TCF4: variants seen among roughly 807,000 people sequenced by gnomAD.
TCF4 encodes SL3-3 enhancer factor 2.
In TCF4, 3 loss-of-function variants were observed where a neutral mutation model predicts 82.1. The ratio of observed to expected loss-of-function variants is 0.04; its 90% CI spans 0.02 to 0.09. The LOEUF (loss-of-function observed/expected upper bound fraction) is 0.09. Ranked by LOEUF, TCF4 falls within the 10% of genes least tolerant of loss-of-function variation. The pLI is 1.00. For synonymous variants in TCF4, 276 were observed against 309.6 expected (o/e 0.89, Z 1.14); for missense variants, 518 against 852.7 (o/e 0.61, Z 4.89).
At chr18:55,361,175 G>C (rs925522088) in intron 6 of TCF4, among the ~76,000 whole-genome samples, 11 of 152,076 alleles carry the variant, frequency 7.2e-5, no homozygotes, top group African/African-American at 2.4e-4. Flanking sequence ...GGTGCACTGT[G>C]GACAGAATTG....
At chr18:55,571,749 T>TTG (rs1555772984) in intron 3 of TCF4, among the ~76,000 whole-genome samples, 1 of 151,298 alleles carries the variant, frequency 6.6e-6, no homozygotes, top group Non-Finnish European at 1.5e-5. Context: ...TGTTTTTTTT[T>TTG]TTGTTATTAT....
chr18:55,298,267 T>C (rs1167412579), intron 8 of TCF4, among the ~76,000 whole-genome samples: 2 of 152,250 alleles, frequency 1.3e-5, no homozygotes, highest in Non-Finnish European at 2.9e-5. Flanking sequence ...GAAAGATTTC[T>C]ACCTATGCTT....
intron 6 of TCF4, among the ~76,000 whole-genome samples, chr18:55,371,463 TAAAG>T (rs778860017): frequency 6.6e-6 from 1 of 152,106 alleles, no homozygotes; most frequent in Non-Finnish European, 1.5e-5. Flanking sequence ...CTTGGAGAAA[TAAAG>T]AAATCATGCC....
chr18:55,359,471 C>T (rs2084504593), intron 6 of TCF4, among the ~76,000 whole-genome samples: 1 of 152,182 alleles, frequency 6.6e-6, no homozygotes, highest in Non-Finnish European at 1.5e-5. Context: ...GAACTCTGAT[C>T]ATCTTTGTAT....
In TCF4 at chr18:55,222,642, T is replaced by G. The variant is rs2046018664; in HGVS notation, c.*5393A>C. ...AATACCACGTACTTGATTAGAACAT[T>G]CTGTTATGAAGCGCTCAGCTACCGC... On this transcript the variant is annotated 3_prime_UTR_variant, in exon 20 of 20. Coordinates refer to ENST00000354452, the MANE Select transcript of TCF4 (RefSeq NM_001083962.2). The G allele has an allele frequency of 6.6e-6, 1 of 152,642 alleles. No homozygotes were observed. The highest frequency in any genetic ancestry group is 6.5e-5 in the Admixed American group (1 of 15,276). 9.5% of individuals were successfully genotyped at this position (152,642 alleles called of 1,614,324 possible). A position where few individuals can be genotyped will look rare whatever the true frequency, so the allele number is the denominator to read the frequency against.
chr18:55,510,843 G>A (rs1304180913), intron 3 of TCF4: 2 of 998,786 alleles, frequency 2.0e-6, no homozygotes, highest in South Asian at 8.7e-5. Flanking sequence ...GTGTGTTTAT[G>A]AGCTACATTA....
chr18:55,544,164 T>C (rs1423282880), intron 3 of TCF4, among the ~76,000 whole-genome samples: 1 of 152,250 alleles, frequency 6.6e-6, no homozygotes, highest in Admixed American at 6.5e-5. Context: ...ATTCCAGCCC[T>C]GGCTCAGTCA....
At chr18:55,294,289 A>T (rs569362204) in intron 8 of TCF4, among the ~76,000 whole-genome samples, 31 of 152,120 alleles carry the variant, frequency 2.0e-4, no homozygotes, top group African/African-American at 6.0e-4. Flanking sequence ...AAAAAGAAAG[A>T]AATTCATATC....
chr18:55,613,568 T>C (rs1297728420), intron 2 of TCF4, among the ~76,000 whole-genome samples: 1 of 152,188 alleles, frequency 6.6e-6, no homozygotes, highest in Admixed American at 6.6e-5. Context: ...AGAGGTTTAA[T>C]TGACTCAGTT....
chr18:55,325,404 A>C (rs1403640759), intron 8 of TCF4, among the ~76,000 whole-genome samples: 1 of 152,238 alleles, frequency 6.6e-6, no homozygotes, highest in Non-Finnish European at 1.5e-5. Context: ...TATCCACTCG[A>C]CCACAGAGCT....
chr18:55,630,440 T>C lies in TCF4; in HGVS notation c.286+858A>G, dbSNP rs181135805. Among the ~76,000 whole-genome samples the C allele has an allele frequency of 5.3e-5, 8 of 152,324 alleles. No individual in the cohort carries two copies. In the East Asian group the frequency reaches 1.5e-3, roughly 29 times the overall value. On this transcript the variant is annotated intron_variant, in intron 2 of 20. Coordinates refer to the TCF4 transcript ENST00000398339. ...AAAGGCCCCTGACCTTAATCAATGA[T>C]ATGCTAACTGAGACTACCAAGCCCA...
intron 2 of TCF4, among the ~76,000 whole-genome samples, chr18:55,614,272 G>A (rs11660740): frequency 6.6e-6 from 1 of 152,126 alleles, no homozygotes; most frequent in African/African-American, 2.4e-5. Context: ...TTTTCACTTA[G>A]TTACATATCT....
chr18:55,587,889 G>T, intron 1 of TCF4, 149 bp downstream of exon 1: 2 of 632,042 alleles, frequency 3.2e-6, no homozygotes, highest in Non-Finnish European at 3.9e-6. Context: ...GGGAAGCGGC[G>T]GGAGGGGAAG....
intron 3 of TCF4, among the ~76,000 whole-genome samples, chr18:55,528,456 A>G (rs1412681149): frequency 6.6e-6 from 1 of 152,306 alleles, no homozygotes; most frequent in East Asian, 1.9e-4. Flanking sequence ...ATACTCTTTA[A>G]CTGAACCTTT....
At chr18:55,403,791 T>C (rs1242652325) in intron 5 of TCF4, 28 of 1,514,572 alleles carry the variant, frequency 1.8e-5, no homozygotes, top group Non-Finnish European at 2.4e-5. Flanking sequence ...AACAAACAAA[T>C]CGTAACTCCT....
Position 55,227,996 on chromosome 18 carries a change from C to A in TCF4, c.*39G>T. ...ATAATACAGCTGTTAAGGAAGTGGT[C>A]TCTTGTTTTAATGAAGCAATGTGGC... On this transcript the variant is annotated 3_prime_UTR_variant, in exon 20 of 20. Coordinates refer to ENST00000354452, the MANE Select transcript of TCF4 (RefSeq NM_001083962.2). The A allele has an allele frequency of 5.6e-6, 3 of 534,432 alleles. No individual in the cohort carries two copies. The highest frequency in any genetic ancestry group is 2.1e-5 in the South Asian group (1 of 47,644). The allele number at this position is 534,432 out of a possible 1,614,324, so 33.1% of individuals were successfully genotyped here.
chr18:55,617,765 A>G (rs1285956994), intron 2 of TCF4, among the ~76,000 whole-genome samples: 1 of 148,418 alleles, frequency 6.7e-6, no homozygotes, highest in Non-Finnish European at 1.5e-5. Flanking sequence ...CGGCTCTTTA[A>G]TGCTGCTTTT....
intron 3 of TCF4, among the ~76,000 whole-genome samples, chr18:55,499,816 G>A (rs573136435): frequency 1.3e-5 from 2 of 152,280 alleles, no homozygotes; most frequent in East Asian, 3.9e-4. Context: ...ATTAAAATAC[G>A]GACTACCAGG....
rs1195202558 is a variant in TCF4 at position 55,224,833 on chromosome 18, T to C, written c.*3202A>G. On this transcript the variant is annotated 3_prime_UTR_variant, in exon 20 of 20. Coordinates refer to ENST00000354452, the MANE Select transcript of TCF4 (RefSeq NM_001083962.2). ...TGCATATTCATAAATTACTTGAATG[T>C]GGAGGTGGATCAACTGCTCCAAGTT... is the stretch of plus-strand genomic sequence containing the variant. 1 of 152,670 alleles carries C rather than the reference T, an allele frequency of 6.6e-6. No homozygotes were observed. The highest frequency in any genetic ancestry group is 1.5e-5 in the Non-Finnish European group (1 of 67,994). The allele number at this position is 152,670 out of a possible 1,614,324, so 9.5% of individuals were successfully genotyped here.
Sources: gnomAD v4.1 joint callset for allele counts (sites outside exome capture counted in the v4.1 genomes callset) on GRCh38, gnomAD v4.1.1 for gene constraint, MANE v1.5 for transcripts, NCBI Gene and HGNC (gene_info 2026-07-23, HGNC 2026-07-21) for gene names.